The following LDB2 variants were observed in gnomAD, a reference collection of about 807,000 sequenced individuals.
LDB2 encodes LIM domain-binding protein 2.
Under a neutral mutation model 44.3 loss-of-function variants are expected in LDB2, and 12 were observed. The ratio of observed to expected loss-of-function variants is 0.27; its 90% confidence interval spans 0.17 to 0.44. The LOEUF (loss-of-function observed/expected upper bound fraction) is 0.44. Among genes scored for constraint, LDB2 ranks in the 20% least tolerant of loss-of-function variants. The pLI, the probability that LDB2 is intolerant of heterozygous loss-of-function variation, is 1.00. For missense variants in LDB2, 344 were observed against 473.5 expected (o/e 0.73, Z 2.54); for synonymous variants, 164 against 174.8 (o/e 0.94, Z 0.49).
intron 1 of LDB2, among the ~76,000 whole-genome samples, chr4:16,777,390 A>G (rs370201054): frequency 2.8e-4 from 43 of 152,198 alleles, no homozygotes; most frequent in African/African-American, 1.0e-3. Flanking sequence ...CAGCAAGTAC[A>G]ACAGCCCTGA....
At chr4:16,503,441 A>T (rs1229510853) in intron 7 of LDB2, among the ~76,000 whole-genome samples, 1 of 152,224 alleles carries the variant, frequency 6.6e-6, no homozygotes, top group Non-Finnish European at 1.5e-5. Flanking sequence ...AGGCCCTTTT[A>T]TGCAGCCAAT....
At chr4:16,631,658 T>C (rs1312993784) in intron 2 of LDB2, among the ~76,000 whole-genome samples, 4 of 152,064 alleles carry the variant, frequency 2.6e-5, no homozygotes, top group Non-Finnish European at 4.4e-5. Flanking sequence ...GCCGGTTTTT[T>C]GAAAAGATAA....
At chr4:16,735,865 C>G (rs552014890) in intron 2 of LDB2, among the ~76,000 whole-genome samples, 1 of 152,112 alleles carries the variant, frequency 6.6e-6, no homozygotes, top group South Asian at 2.1e-4. Context: ...TGTCATAGAC[C>G]GGAAGTCGCT....
At chr4:16,896,577 C>A (rs1448727324) in intron 1 of LDB2, among the ~76,000 whole-genome samples, 3 of 152,138 alleles carry the variant, frequency 2.0e-5, no homozygotes, top group Non-Finnish European at 2.9e-5. Flanking sequence ...TCCTCAAAAA[C>A]TTTCTAAAAT....
chr4:16,660,491 C>A (rs976237546), intron 2 of LDB2, among the ~76,000 whole-genome samples: 1 of 151,988 alleles, frequency 6.6e-6, no homozygotes, highest in Non-Finnish European at 1.5e-5. Flanking sequence ...ACCGCCATCA[C>A]CACCATCCAG....
intron 5 of LDB2, among the ~76,000 whole-genome samples, chr4:16,542,782 G>GT (rs913008252): frequency 7.3e-5 from 11 of 151,220 alleles, no homozygotes; most frequent in South Asian, 4.2e-4. Context: ...TTTTGTTTTT[G>GT]TTTTTTGTTT....
At chr4:16,542,101 T>G (rs200442533) in intron 5 of LDB2, among the ~76,000 whole-genome samples, 1,039 of 83,532 alleles carry the variant, frequency 0.012, no homozygotes, top group Non-Finnish European at 0.015. Flanking sequence ...CATCAGGTGG[T>G]GGGGGGGGGG....
intron 4 of LDB2, among the ~76,000 whole-genome samples, chr4:16,587,306 C>T (rs1180745022): frequency 2.0e-5 from 3 of 152,120 alleles, no homozygotes; most frequent in Non-Finnish European, 2.9e-5. Context: ...ACTCTTAATT[C>T]GATGGTCTGA....
intron 2 of LDB2, chr4:16,626,908 A>T (rs1730420640): frequency 6.6e-6 from 1 of 152,222 alleles, no homozygotes; most frequent in Non-Finnish European, 1.5e-5. Context: ...CAGAAGACAG[A>T]TCCATTAGAT....
chr4:16,743,058 G>A (rs1763662908), intron 2 of LDB2, among the ~76,000 whole-genome samples: 1 of 152,110 alleles, frequency 6.6e-6, no homozygotes, highest in African/African-American at 2.4e-5. Flanking sequence ...GGGAGCACAA[G>A]GTGGGTGGAT....
chr4:16,519,742 TCA>T (rs1313087433), intron 5 of LDB2, among the ~76,000 whole-genome samples: 2 of 151,590 alleles, frequency 1.3e-5, no homozygotes, highest in Non-Finnish European at 2.9e-5. Flanking sequence ...TCTCTGAATC[TCA>T]GTTTCCTCAT....
At chr4:16,783,606 G>A (rs771287661) in intron 1 of LDB2, among the ~76,000 whole-genome samples, 5 of 152,370 alleles carry the variant, frequency 3.3e-5, no homozygotes, top group Non-Finnish European at 7.3e-5. Flanking sequence ...AGTGGTATAA[G>A]CCTTGCAGCT....
At chr4:16,894,527 A>G (rs1724358390) in intron 1 of LDB2, among the ~76,000 whole-genome samples, 2 of 152,142 alleles carry the variant, frequency 1.3e-5, no homozygotes, top group Non-Finnish European at 2.9e-5. Context: ...ATTCCTTTAC[A>G]GAGAGGTGAG....
chr4:16,783,772 G>A (rs1041070882), intron 1 of LDB2, among the ~76,000 whole-genome samples: 2 of 152,304 alleles, frequency 1.3e-5, no homozygotes, highest in African/African-American at 4.8e-5. Context: ...GAATTCTATG[G>A]AAAAGAGAGT....
intron 5 of LDB2, among the ~76,000 whole-genome samples, chr4:16,529,442 C>T (rs1235906907): frequency 6.6e-6 from 1 of 152,164 alleles, no homozygotes; most frequent in Admixed American, 6.5e-5. Flanking sequence ...CATGTCCCTT[C>T]ATCCTCAGCA....
At chr4:16,748,177 GATA>G (rs1764756584) in intron 2 of LDB2, among the ~76,000 whole-genome samples, 1 of 152,168 alleles carries the variant, frequency 6.6e-6, no homozygotes, top group South Asian at 2.1e-4. Context: ...TCTTCAGAAT[GATA>G]ATTAGTGTCA....
intron 2 of LDB2, among the ~76,000 whole-genome samples, chr4:16,702,323 C>T (rs1372462244): frequency 2.0e-5 from 3 of 152,178 alleles, no homozygotes; most frequent in Non-Finnish European, 2.9e-5. Context: ...TGGTTGTCAA[C>T]GTATTTCCTA....
chr4:16,519,805 A>G (rs1206902651), intron 5 of LDB2, among the ~76,000 whole-genome samples: 1 of 151,930 alleles, frequency 6.6e-6, no homozygotes, highest in Non-Finnish European at 1.5e-5. Context: ...AAACAAAGTA[A>G]GTAACCCTTA....
At chr4:16,637,681 G>A (rs1327612985) in intron 2 of LDB2, among the ~76,000 whole-genome samples, 2 of 152,190 alleles carry the variant, frequency 1.3e-5, no homozygotes, top group African/African-American at 4.8e-5. Context: ...AGATAGGGGT[G>A]TCAGGACAGA....
Sources: gnomAD v4.1 joint callset for allele counts (sites outside exome capture counted in the v4.1 genomes callset) on GRCh38, gnomAD v4.1.1 for gene constraint, MANE v1.5 for transcripts, NCBI Gene and HGNC (gene_info 2026-07-23, HGNC 2026-07-21) for gene names.